Variants in GPLD1 observed in about 807,000 individuals in gnomAD.
GPLD1 encodes phosphatidylinositol-glycan-specific phospholipase D.
GPLD1 carries 84 observed loss-of-function variants against 112.6 expected under a neutral mutation model. The observed-to-expected ratio is 0.75, with a 90% CI of 0.63 to 0.89. The LOEUF is 0.89. Among genes scored for constraint, GPLD1 ranks in the 40% least tolerant of loss-of-function variants. GPLD1 has a pLI of 0.00. For synonymous variants in GPLD1, 386 were observed against 403.8 expected, an observed-to-expected ratio of 0.96 and a Z score of 0.53; for missense variants, 1,044 against 1,051.5, an observed-to-expected ratio of 0.99 and a Z score of 0.10.
chr6:24,424,102 T>C (rs1762148062), downstream of GPLD1: 1 of 152,150 alleles, frequency 6.6e-6, no homozygotes, highest in Admixed American at 6.5e-5. Flanking sequence ...CATGTGAATT[T>C]CCTGATTCTC....
intron 20 of GPLD1, among the ~76,000 whole-genome samples, chr6:24,443,365 ATAT>A (rs1014034456): frequency 7.2e-5 from 11 of 152,164 alleles, no homozygotes; most frequent in South Asian, 4.1e-4. Flanking sequence ...TCACAGGTTC[ATAT>A]TATTATTAAC....
intron 8 of GPLD1, 21 bp from the exon 9 acceptor site, chr6:24,466,960 T>C: frequency 6.2e-7 from 1 of 1,607,256 alleles, no homozygotes; most frequent in Non-Finnish European, 8.5e-7. Flanking sequence ...AACAATAATT[T>C]TGGCTGTGAG....
upstream of GPLD1, among the ~76,000 whole-genome samples, chr6:24,490,272 C>T (rs996645588): frequency 6.6e-6 from 1 of 151,992 alleles, no homozygotes; most frequent in Admixed American, 6.6e-5. Flanking sequence ...GTTAAGCTCA[C>T]GATATATTAT....
intron 24 of GPLD1, among the ~76,000 whole-genome samples, chr6:24,430,088 C>CT (rs1189452497): frequency 6.6e-6 from 1 of 152,210 alleles, no homozygotes; most frequent in Non-Finnish European, 1.5e-5. Context: ...GGGTCAGACA[C>CT]TATGCTTAGC....
chr6:24,495,207 C>G, upstream of GPLD1: 1 of 1,507,950 alleles, frequency 6.6e-7, no homozygotes, highest in Non-Finnish European at 8.8e-7. Flanking sequence ...CCGCTGGCTC[C>G]CGGCCGCCGC....
At chr6:24,463,396 T>A (rs547206697) in intron 10 of GPLD1, among the ~76,000 whole-genome samples, 94 of 152,236 alleles carry the variant, frequency 6.2e-4, no homozygotes, top group African/African-American at 2.2e-3. Flanking sequence ...TGGAGGTCAC[T>A]GAGGGAGGCT....
chr6:24,477,390 AC>A (rs1370244682), intron 3 of GPLD1, among the ~76,000 whole-genome samples: 1 of 151,104 alleles, frequency 6.6e-6, no homozygotes, highest in African/African-American at 2.4e-5. Flanking sequence ...TACTGTAATT[AC>A]AAAGGCTAAT....
rs375568803 is a variant in GPLD1 at position 24,466,923 on chromosome 6, C to T, written c.670G>A (p.Ala224Thr). Residue 224 changes from alanine to threonine, a missense_variant, in exon 9 of 25, where the codon GCT becomes ACT. Coordinates refer to ENST00000230036, the MANE Select transcript of GPLD1 (RefSeq NM_001503.4). The part of the protein sequence containing the change: ...QFLEMYGEML[A>T]VSKLYPTYST... ...AATGACGCCTTTACCTTGGAAACAG[C>T]TAGCATCTCACCATACCTGCAAAAT... is the stretch of plus-strand genomic sequence containing the variant. 3 of 1,611,410 alleles carry T rather than the reference C, an allele frequency of 1.9e-6. No individual in the cohort carries two copies. Among genetic ancestry groups the T allele is most frequent in the Non-Finnish European group, 2.5e-6 (3 of 1,177,680 alleles).
intron 12 of GPLD1, among the ~76,000 whole-genome samples, chr6:24,458,685 C>T (rs996050638): frequency 1.1e-4 from 17 of 152,124 alleles, no homozygotes; most frequent in African/African-American, 3.9e-4. Context: ...TCAAGACCAG[C>T]CTGGCCAACA....
chr6:24,439,544 A>G (rs1762680866), intron 20 of GPLD1, among the ~76,000 whole-genome samples: 1 of 152,236 alleles, frequency 6.6e-6, no homozygotes. Context: ...AAATAATTTC[A>G]TCAAAGTGTT....
At chr6:24,429,860 C>T (rs1189497378) in intron 24 of GPLD1, among the ~76,000 whole-genome samples, 1 of 152,106 alleles carries the variant, frequency 6.6e-6, no homozygotes, top group African/African-American at 2.4e-5. Flanking sequence ...TAAATATTTT[C>T]AGTGGTGGCA....
chr6:24,464,956 A>G (rs374710276), intron 10 of GPLD1, among the ~76,000 whole-genome samples: 22 of 151,230 alleles, frequency 1.5e-4, no homozygotes, highest in African/African-American at 4.8e-4. Flanking sequence ...ACTTTGGGAG[A>G]CAGAGGTGGG....
upstream of GPLD1, among the ~76,000 whole-genome samples, chr6:24,491,623 G>A (rs966808812): frequency 6.6e-5 from 10 of 151,836 alleles, no homozygotes; most frequent in Non-Finnish European, 1.3e-4. Context: ...CGGGAACATC[G>A]CCTGTACCTG....
chr6:24,449,316 GT>G (rs1174780885), intron 15 of GPLD1, among the ~76,000 whole-genome samples: 2 of 152,226 alleles, frequency 1.3e-5, no homozygotes, highest in Non-Finnish European at 2.9e-5. Flanking sequence ...CGGATGCGTG[GT>G]CCCTGCTATG....
intron 7 of GPLD1, among the ~76,000 whole-genome samples, chr6:24,469,691 G>A (rs1763734046): frequency 7.0e-6 from 1 of 142,990 alleles, no homozygotes; most frequent in Non-Finnish European, 1.5e-5. Context: ...TGACGAGTTA[G>A]TGGGTGCAGC....
At chr6:24,493,906 C>T (rs1357383884), upstream of GPLD1, among the ~76,000 whole-genome samples, 1 of 152,204 alleles carries the variant, frequency 6.6e-6, no homozygotes, top group Non-Finnish European at 1.5e-5. Context: ...ATGCATAGGG[C>T]TGGGCTTCAT....
chr6:24,467,491 A>G (rs1261587007), intron 7 of GPLD1, among the ~76,000 whole-genome samples: 2 of 152,212 alleles, frequency 1.3e-5, no homozygotes, highest in Non-Finnish European at 2.9e-5. Context: ...AGGCACAGAA[A>G]AGTTAAATAA....
intron 24 of GPLD1, among the ~76,000 whole-genome samples, chr6:24,429,354 A>G (rs1157055977): frequency 1.3e-5 from 2 of 152,164 alleles, no homozygotes; most frequent in Non-Finnish European, 2.9e-5. Context: ...CTGGCACATA[A>G]ATCATAAAGG....
chr6:24,432,380 T>C (rs1232057201), intron 24 of GPLD1, among the ~76,000 whole-genome samples: 4 of 151,960 alleles, frequency 2.6e-5, no homozygotes, highest in Non-Finnish European at 5.9e-5. Flanking sequence ...GGCAGATCAT[T>C]TGAGGCCAGG....
Sources: allele counts gnomAD v4.1 joint callset (sites outside exome capture counted in the v4.1 genomes callset), GRCh38; gene constraint gnomAD v4.1.1; transcripts MANE v1.5; gene names NCBI Gene and HGNC (gene_info 2026-07-23, HGNC 2026-07-21).